Variants in AK5 observed in about 807,000 individuals in gnomAD.
AK5 encodes adenylate kinase isoenzyme 5.
Under a neutral mutation model 69.5 loss-of-function variants are expected in AK5, and 27 were observed. The observed-to-expected ratio is 0.39, with a 90% CI of 0.29 to 0.54. AK5 has a LOEUF of 0.54. Ranked by LOEUF, AK5 falls within the 20% of genes least tolerant of loss-of-function variation. The probability of loss-of-function intolerance (pLI) is 0.71; values close to 1 mark genes in which losing one functional copy is unlikely to be tolerated. For missense variants in AK5, 531 were observed against 700.4 expected, an observed-to-expected ratio of 0.76 and a Z score of 2.73; for synonymous variants, 260 against 244.4, an observed-to-expected ratio of 1.06 and a Z score of -0.60.
chr1:77,390,106 T>C (rs1648323873), intron 6 of AK5, among the ~76,000 whole-genome samples: 1 of 152,232 alleles, frequency 6.6e-6, no homozygotes, highest in Admixed American at 6.5e-5. Flanking sequence ...AATTCTGTGA[T>C]TTGGTGAAGG....
intron 12 of AK5, among the ~76,000 whole-genome samples, chr1:77,522,668 G>A (rs1658057699): frequency 6.6e-6 from 1 of 152,088 alleles, no homozygotes; most frequent in African/African-American, 2.4e-5. Flanking sequence ...GCAGCAGTAA[G>A]TAAAAACCAT....
chr1:77,301,069 T>A (rs1180406640), intron 5 of AK5, among the ~76,000 whole-genome samples: 1 of 152,186 alleles, frequency 6.6e-6, no homozygotes, highest in Admixed American at 6.5e-5. Flanking sequence ...TGGGTGATGG[T>A]CAGACCACTG....
intron 8 of AK5, among the ~76,000 whole-genome samples, chr1:77,452,938 A>G (rs1653246548): frequency 6.6e-6 from 1 of 152,246 alleles, no homozygotes; most frequent in Non-Finnish European, 1.5e-5. Flanking sequence ...AAGAAAAGAA[A>G]TTTGTGGACA....
At chr1:77,529,106 A>G (rs935596723) in intron 12 of AK5, among the ~76,000 whole-genome samples, 1 of 87,040 alleles carries the variant, frequency 1.1e-5, no homozygotes, top group Admixed American at 1.5e-4. Context: ...AATATAAAAC[A>G]AAGAATAACT....
intron 6 of AK5, among the ~76,000 whole-genome samples, chr1:77,352,805 G>A (rs1204243622): frequency 6.6e-6 from 1 of 152,196 alleles, no homozygotes; most frequent in Non-Finnish European, 1.5e-5. Context: ...CTGTTATACA[G>A]TTGCCTTATT....
intron 5 of AK5, among the ~76,000 whole-genome samples, chr1:77,317,734 C>A (rs916075056): frequency 6.6e-6 from 1 of 152,156 alleles, no homozygotes; most frequent in Non-Finnish European, 1.5e-5. Context: ...TGATTGAAAA[C>A]CTTTCATGAC....
intron 6 of AK5, among the ~76,000 whole-genome samples, chr1:77,384,010 A>G (rs1192685795): frequency 6.6e-6 from 1 of 152,152 alleles, no homozygotes; most frequent in Non-Finnish European, 1.5e-5. Flanking sequence ...ATATAATAAA[A>G]CCACCATGAA....
chr1:77,492,842 G>A (rs915572488), intron 10 of AK5, among the ~76,000 whole-genome samples: 5 of 152,162 alleles, frequency 3.3e-5, no homozygotes, highest in Admixed American at 6.5e-5. Flanking sequence ...GTACAGCCTA[G>A]GGGAGCAACA....
intron 6 of AK5, among the ~76,000 whole-genome samples, chr1:77,381,975 A>T (rs1480587450): frequency 6.6e-6 from 1 of 152,044 alleles, no homozygotes; most frequent in Admixed American, 6.5e-5. Context: ...CACATGCCAC[A>T]CCCCTCCACC....
intron 13 of AK5, among the ~76,000 whole-genome samples, chr1:77,551,135 C>T (rs944493530): frequency 1.3e-5 from 2 of 152,126 alleles, no homozygotes; most frequent in African/African-American, 4.8e-5. Flanking sequence ...TTAGATCATA[C>T]CATTGCACTC....
chr1:77,396,586 G>A (rs562980938), intron 6 of AK5, among the ~76,000 whole-genome samples: 18 of 152,190 alleles, frequency 1.2e-4, no homozygotes, highest in African/African-American at 3.9e-4. Flanking sequence ...AGTGAGTAAG[G>A]GAAAAAATGA....
intron 10 of AK5, among the ~76,000 whole-genome samples, chr1:77,506,216 T>G (rs1413753655): frequency 5.4e-5 from 8 of 149,086 alleles, no homozygotes; most frequent in African/African-American, 1.5e-4. Context: ...AGGATCGGTG[T>G]TTGGTTGGTT....
intron 10 of AK5, among the ~76,000 whole-genome samples, chr1:77,497,441 G>GT (rs1181529438): frequency 6.6e-6 from 1 of 152,222 alleles, no homozygotes; most frequent in Non-Finnish European, 1.5e-5. Context: ...TTCATGAACT[G>GT]TAACAGTCAC....
intron 11 of AK5, among the ~76,000 whole-genome samples, chr1:77,519,417 C>A (rs1377669198): frequency 6.6e-6 from 1 of 152,172 alleles, no homozygotes; most frequent in Non-Finnish European, 1.5e-5. Context: ...TAGCTGGCCT[C>A]CTGGAGCCCA....
At chr1:77,472,182 T>C (rs1654547478) in intron 8 of AK5, among the ~76,000 whole-genome samples, 1 of 152,210 alleles carries the variant, frequency 6.6e-6, no homozygotes, top group African/African-American at 2.4e-5. Flanking sequence ...ATTTTCTTCC[T>C]TACCCACATT....
At chr1:77,448,918 G>C (rs951943865) in intron 8 of AK5, among the ~76,000 whole-genome samples, 7 of 152,184 alleles carry the variant, frequency 4.6e-5, no homozygotes, top group African/African-American at 1.7e-4. Flanking sequence ...CAGAGAGCTG[G>C]CAACAAGAAT....
rs1258433306 is a variant in AK5, at chr1:77,412,203, G to GAC, written c.982+1132_982+1133insAC. Among the ~76,000 whole-genome samples, 8 of 152,292 alleles carry GAC rather than the reference G, an allele frequency of 5.3e-5. No individual in the cohort carries two copies. The East Asian group carries it at 1.5e-3, about 29-fold the overall frequency. Reference sequence around the variant, plus strand: ...ACACCCAGCACTTCGTGGCTCCCTAGCGGTGTTTCTCCACTAGGGAGCCTT... The same window carrying GAC: ...ACACCCAGCACTTCGTGGCTCCCTAGACCGGTGTTTCTCCACTAGGGAGCCTT... On this transcript the variant is annotated intron_variant, in intron 7 of 13. Coordinates refer to ENST00000354567, the MANE Select transcript of AK5 (RefSeq NM_174858.3).
At chr1:77,542,883 C>A (rs1659350824) in intron 13 of AK5, among the ~76,000 whole-genome samples, 1 of 152,088 alleles carries the variant, frequency 6.6e-6, no homozygotes, top group African/African-American at 2.4e-5. Context: ...TTATTTCTGT[C>A]CCTGCGTTAT....
intron 8 of AK5, among the ~76,000 whole-genome samples, chr1:77,464,038 T>C (rs1055354469): frequency 6.6e-6 from 1 of 152,206 alleles, no homozygotes; most frequent in African/African-American, 2.4e-5. Context: ...AGATGAAAAG[T>C]TGAATAAAAT....
Sources: gnomAD v4.1 joint callset for allele counts (sites outside exome capture counted in the v4.1 genomes callset) on GRCh38, gnomAD v4.1.1 for gene constraint, MANE v1.5 for transcripts, NCBI Gene and HGNC (gene_info 2026-07-23, HGNC 2026-07-21) for gene names.